The following ITFG1 variants were observed in gnomAD, a reference collection of about 807,000 sequenced individuals.
ITFG1 encodes the protein integrin alpha FG-GAP repeat containing 1.
ITFG1 carries 34 observed loss-of-function variants against 81.8 expected under a neutral mutation model. The observed-to-expected ratio is 0.42, with a 90% CI of 0.32 to 0.55. The LOEUF is 0.55. Ranked by LOEUF, ITFG1 falls within the 20% of genes least tolerant of loss-of-function variation. The pLI is 0.17. For synonymous variants in ITFG1, 285 were observed against 270.6 expected (o/e 1.05, Z -0.52); for missense variants, 672 against 755.4 (o/e 0.89, Z 1.29).
At chr16:47,308,028 T>A (rs1445213999) in intron 10 of ITFG1, among the ~76,000 whole-genome samples, 4 of 152,226 alleles carry the variant, frequency 2.6e-5, no homozygotes, top group African/African-American at 4.8e-5. Flanking sequence ...TACCATATTT[T>A]AAAAAATCCA....
intron 10 of ITFG1, among the ~76,000 whole-genome samples, chr16:47,303,468 C>A (rs2151560683): frequency 6.9e-6 from 1 of 144,046 alleles, no homozygotes; most frequent in Admixed American, 7.1e-5. Context: ...AACAGTTACC[C>A]AATATAGCAC....
At chr16:47,322,917 T>C (rs2151569335) in intron 8 of ITFG1, among the ~76,000 whole-genome samples, 1 of 152,332 alleles carries the variant, frequency 6.6e-6, no homozygotes, top group Middle Eastern at 3.4e-3. Context: ...ACATTCAGGA[T>C]GATTATTTTT....
intron 5 of ITFG1, among the ~76,000 whole-genome samples, chr16:47,438,159 T>C (rs999099957): frequency 1.3e-5 from 2 of 152,116 alleles, no homozygotes; most frequent in African/African-American, 4.8e-5. Context: ...TTGCTCAGGC[T>C]TGAGTAGGTA....
At chr16:47,302,494 C>T (rs1044461439) in intron 10 of ITFG1, among the ~76,000 whole-genome samples, 5 of 152,208 alleles carry the variant, frequency 3.3e-5, no homozygotes, top group Middle Eastern at 3.4e-3. Flanking sequence ...CTCTCAGCAC[C>T]TCCTCTGCCT....
intron 7 of ITFG1, among the ~76,000 whole-genome samples, chr16:47,371,095 G>A (rs1289314231): frequency 6.6e-6 from 1 of 152,172 alleles, no homozygotes; most frequent in Non-Finnish European, 1.5e-5. Context: ...TTCTGTTGCA[G>A]TCATCTCTTT....
chr16:47,407,025 G>A (rs1968737668), intron 6 of ITFG1, among the ~76,000 whole-genome samples: 1 of 152,158 alleles, frequency 6.6e-6, no homozygotes, highest in African/African-American at 2.4e-5. Flanking sequence ...ATGGAAGGTC[G>A]AGGAGATAAT....
intron 12 of ITFG1, among the ~76,000 whole-genome samples, chr16:47,256,765 T>G (rs1966143845): frequency 6.6e-6 from 1 of 152,230 alleles, no homozygotes; most frequent in African/African-American, 2.4e-5. Context: ...TATATCAGTT[T>G]CATCTCTCAA....
intron 14 of ITFG1, among the ~76,000 whole-genome samples, chr16:47,174,116 A>T: frequency 6.6e-6 from 1 of 152,238 alleles, no homozygotes; most frequent in Admixed American, 6.5e-5. Context: ...CTCCATGAGA[A>T]TACTACACTG....
At chr16:47,255,968 ATTTTATTT>A (rs1966133998) in intron 12 of ITFG1, among the ~76,000 whole-genome samples, 1 of 151,892 alleles carries the variant, frequency 6.6e-6, no homozygotes, top group Non-Finnish European at 1.5e-5. Context: ...AACTGATTTT[ATTTTATTT>A]TTTTATTTTT....
intron 6 of ITFG1, chr16:47,425,901 A>AT (rs1254710108): frequency 6.6e-6 from 1 of 151,870 alleles, no homozygotes; most frequent in African/African-American, 2.4e-5. Flanking sequence ...TATTCCTTTC[A>AT]TTTTATGAAT....
At chr16:47,426,532 A>C (rs1354944365) in intron 6 of ITFG1, among the ~76,000 whole-genome samples, 1 of 148,732 alleles carries the variant, frequency 6.7e-6, no homozygotes, top group Non-Finnish European at 1.5e-5. Context: ...ATACCAGATA[A>C]ACCACACTAA....
intron 6 of ITFG1, among the ~76,000 whole-genome samples, chr16:47,376,400 A>G (rs1968325209): frequency 6.6e-6 from 1 of 152,202 alleles, no homozygotes; most frequent in South Asian, 2.1e-4. Flanking sequence ...AAATGAATAA[A>G]TTATGTTTCA....
intron 6 of ITFG1, among the ~76,000 whole-genome samples, chr16:47,398,791 C>T (rs1968623210): frequency 6.6e-6 from 1 of 152,150 alleles, no homozygotes; most frequent in African/African-American, 2.4e-5. Context: ...CAAATGAAGC[C>T]CTAGTGACGT....
Position 47,258,652 on chromosome 16 carries a change from G to A in ITFG1, c.1310C>T (p.Ala437Val). 1 of 1,460,632 alleles carries A rather than the reference G, an allele frequency of 6.8e-7. No homozygotes were observed. The highest frequency in any genetic ancestry group is 9.5e-7 in the Non-Finnish European group (1 of 1,051,758). 90.5% of individuals were successfully genotyped at this position (1,460,632 alleles called of 1,614,324 possible). A position where few individuals can be genotyped will look rare whatever the true frequency, so the allele number is the denominator to read the frequency against. Residue 437 changes from alanine (A) to valine (V), a missense_variant, in exon 12 of 18, where the codon GCT (alanine) becomes GTT (valine). Ala to Val is a moderately conservative substitution (Grantham distance 64, BLOSUM62 0). This residue lies in a region of ITFG1 where 560 missense variants were observed against 625.7 expected (regional missense o/e 0.90). Coordinates refer to ENST00000320640, the MANE Select transcript of ITFG1 (RefSeq NM_030790.5). ...CTCACCAATAACTTTAACAAAATAAGCATCTGCTTCAAAGTTATTTTTTAG... is the reference window on the plus strand; with the variant it reads ...CTCACCAATAACTTTAACAAAATAAACATCTGCTTCAAAGTTATTTTTTAG... Reference protein sequence around the residue: ...HTLKNNFEADAYFVKVIVLSG... With the variant: ...HTLKNNFEADVYFVKVIVLSG...
intron 8 of ITFG1, among the ~76,000 whole-genome samples, chr16:47,314,204 A>C (rs1567456503): frequency 6.6e-6 from 1 of 152,184 alleles, no homozygotes; most frequent in Non-Finnish European, 1.5e-5. Flanking sequence ...AAAAAGAAAA[A>C]TGTATAGTGT....
At chr16:47,307,320 T>C (rs1967185769) in intron 10 of ITFG1, among the ~76,000 whole-genome samples, 1 of 152,056 alleles carries the variant, frequency 6.6e-6, no homozygotes, top group African/African-American at 2.4e-5. Flanking sequence ...TAATGTGTAA[T>C]ATATCTTTTA....
At chr16:47,407,672 A>G (rs2151601518) in intron 6 of ITFG1, among the ~76,000 whole-genome samples, 1 of 152,296 alleles carries the variant, frequency 6.6e-6, no homozygotes, top group Admixed American at 6.5e-5. Context: ...CAGAATTGGA[A>G]GGACGGGACT....
At chr16:47,284,082 TATGGCTTGGGAGGTG>T (rs750476108) in intron 10 of ITFG1, among the ~76,000 whole-genome samples, 17 of 152,364 alleles carry the variant, frequency 1.1e-4, no homozygotes, top group Non-Finnish European at 2.2e-4. Flanking sequence ...TGTGGCTGTC[TATGGCTTGGGAGGTG>T]ATGGCTTAGA....
At chr16:47,270,621 A>G (rs1194344422) in intron 10 of ITFG1, among the ~76,000 whole-genome samples, 1 of 152,250 alleles carries the variant, frequency 6.6e-6, no homozygotes, top group East Asian at 1.9e-4. Flanking sequence ...ACAGCTGACT[A>G]TTTGTAGCAG....
Sources: gnomAD v4.1 joint callset for allele counts (sites outside exome capture counted in the v4.1 genomes callset) on GRCh38, gnomAD v4.1.1 for gene constraint, gnomAD v4.1.1 regional missense constraint, MANE v1.5 for transcripts, NCBI Gene and HGNC (gene_info 2026-07-23, HGNC 2026-07-21) for gene names.